The following INAVA variants were observed in gnomAD, a reference collection of about 807,000 sequenced individuals.
INAVA encodes innate immunity activator.
A neutral mutation model predicts 55.3 loss-of-function variants in INAVA; 32 were observed. The ratio of observed to expected loss-of-function variants is 0.58; its 90% CI spans 0.44 to 0.78. The LOEUF is 0.78. INAVA is among the 30% of genes least tolerant of loss of function. INAVA has a pLI of 0.00. For synonymous variants in INAVA, 294 were observed against 329.4 expected (o/e 0.89, Z 1.16); for missense variants, 756 against 786.4 (o/e 0.96, Z 0.46).
chr1:200,904,284 T>A (rs1043451759), intron 5 of INAVA, among the ~76,000 whole-genome samples: 17 of 152,126 alleles, frequency 1.1e-4, no homozygotes, highest in Non-Finnish European at 2.2e-4. Flanking sequence ...AGATGGGGTT[T>A]CACCAAATTG....
In INAVA at chr1:200,901,078, C is replaced by T. The variant is rs1213119499; in HGVS notation, c.439C>T (p.Leu147=). The change falls in exon 5 of 10, where the codon CTG becomes TTG. Residue 147 remains leucine, a synonymous_variant. Coordinates refer to ENST00000413687, the MANE Select transcript of INAVA (RefSeq NM_001142569.3). ...CTCCATGCTGCAGGAGGAGAAGAAGCTGCAGGAGCTCCAGCGCTGCCTGGT... is the reference window on the plus strand; with the variant it reads ...CTCCATGCTGCAGGAGGAGAAGAAGTTGCAGGAGCTCCAGCGCTGCCTGGT... ...KHSMLQEEKK[L]QELQRCLVER... 1 of 1,541,030 alleles carries T rather than the reference C, an allele frequency of 6.5e-7. No homozygotes were observed. Among genetic ancestry groups the T allele is most frequent in the South Asian group, 1.2e-5 (1 of 83,950 alleles).
At chr1:200,907,204 G>A (rs768562350) in intron 5 of INAVA, among the ~76,000 whole-genome samples, 6 of 152,100 alleles carry the variant, frequency 3.9e-5, no homozygotes, top group Non-Finnish European at 7.4e-5. Context: ...CCTGCCAGAG[G>A]ACACCCTTTT....
chr1:200,891,811 G>A (rs1464973426), upstream of INAVA: 7 of 700,896 alleles, frequency 1.0e-5, no homozygotes, highest in African/African-American at 7.5e-5. Context: ...AGGGAATGGG[G>A]TAATTTTTTC....
chr1:200,907,395 C>T (rs1369957413), intron 5 of INAVA, among the ~76,000 whole-genome samples: 2 of 152,264 alleles, frequency 1.3e-5, no homozygotes, highest in East Asian at 3.9e-4. Context: ...GTGGCTCATG[C>T]CTATAATCCC....
rs1226598256 is a variant in INAVA at position 200,900,218 on chromosome 1, G to A, written c.295G>A (p.Glu99Lys). The A allele has an allele frequency of 6.2e-7, 1 of 1,613,622 alleles. No individual in the cohort carries two copies. Among genetic ancestry groups the A allele is most frequent in the South Asian group, 1.1e-5 (1 of 91,042 alleles). Reference protein sequence around the residue: ...YKLDDWALHREDPLSSLERQL... With the variant: ...YKLDDWALHRKDPLSSLERQL... Reference sequence around the variant, plus strand: ...ACTGGATGACTGGGCCTTGCACAGAGAGGTGAGGAACCTCAGGAAGCTGCC... The same window carrying A: ...ACTGGATGACTGGGCCTTGCACAGAAAGGTGAGGAACCTCAGGAAGCTGCC... The change falls in exon 4 of 10, where the codon GAG becomes AAG. Residue 99 changes from glutamate (E) to lysine (K), a missense_variant and splice_region_variant. Around this residue, in one of 2 missense-constraint regions of INAVA, gnomAD observed 639 missense variants for 624.3 expected, o/e 1.02. Coordinates refer to ENST00000413687, the MANE Select transcript of INAVA (RefSeq NM_001142569.3).
rs1191641205 is a variant in INAVA, at chr1:200,898,180, G to A, written c.-94-127G>A. 3 of 1,004,402 alleles carry A rather than the reference G, an allele frequency of 3.0e-6. No individual in the cohort carries two copies. In the South Asian group the frequency reaches 4.8e-5, roughly 16 times the overall value. The allele number at this position is 1,004,402 out of a possible 1,614,324, so 62.2% of individuals were successfully genotyped here. On this transcript the variant is annotated intron_variant, in intron 1 of 9. Transcript: ENST00000413687. ...AGCACCCCCAGTGCCAGAATCTCCTGCCCCAGATGGTTCCTGAAGCACAGT... is the reference window on the plus strand; with the variant it reads ...AGCACCCCCAGTGCCAGAATCTCCTACCCCAGATGGTTCCTGAAGCACAGT...
At chr1:200,902,544 A>G (rs1187287914) in intron 5 of INAVA, among the ~76,000 whole-genome samples, 1 of 152,246 alleles carries the variant, frequency 6.6e-6, no homozygotes, top group Non-Finnish European at 1.5e-5. Flanking sequence ...CAACACTCCC[A>G]GTCTCTGAGG....
At chr1:200,892,496 A>T (rs1022223651), upstream of INAVA, among the ~76,000 whole-genome samples, 1 of 152,220 alleles carries the variant, frequency 6.6e-6, no homozygotes, top group Non-Finnish European at 1.5e-5. Flanking sequence ...AAACGAAAAC[A>T]CTGAAGAGGT....
chr1:200,899,738 T>G, intron 3 of INAVA, 141 bp downstream of exon 3: 1 of 1,243,118 alleles, frequency 8.0e-7, no homozygotes, highest in African/African-American at 1.5e-5. Context: ...GGGCCCAGAG[T>G]CCCCATGATG....
chr1:200,900,683 A>T (rs1399755594), intron 4 of INAVA, among the ~76,000 whole-genome samples: 1 of 152,104 alleles, frequency 6.6e-6, no homozygotes, highest in Non-Finnish European at 1.5e-5. Context: ...TTGGGTTCCC[A>T]CCCTGCCCGG....
At chr1:200,909,036 G>A in intron 7 of INAVA, 96 bp downstream of exon 7, 1 of 1,377,618 alleles carries the variant, frequency 7.3e-7, no homozygotes, top group Non-Finnish European at 9.8e-7. Flanking sequence ...TGGAAAAGTG[G>A]AAAGGTGGAG....
At position 200,899,507 on chromosome 1, in the gene INAVA, G is replaced by T. The variant is rs1407841025; in HGVS notation, c.90G>T (p.Leu30=). Residue 30 remains leucine (L), a synonymous_variant, in exon 3 of 10, where the codon CTG becomes CTT. Transcript: ENST00000413687. ...GCCCGGTCTCCCCAATGAAGGAGCT[G>T]ACCCATGCAGTGCACAAGCAGCAGA... The part of the protein sequence containing the change: ...PDSPVSPMKE[L]THAVHKQQRA... 1.2e-5 allele frequency: 19 copies of T among 1,614,040 alleles called. No homozygotes were observed. Among genetic ancestry groups the T allele is most frequent in the Non-Finnish European group, 1.4e-5 (17 of 1,180,006 alleles).
At chr1:200,906,163 C>A (rs922716602) in intron 5 of INAVA, 4 of 152,234 alleles carry the variant, frequency 2.6e-5, no homozygotes, top group African/African-American at 9.6e-5. Flanking sequence ...CATCTTCATT[C>A]TCAAACACAG....
At chr1:200,891,589 C>T (rs1354650381), upstream of INAVA, 1 of 1,583,570 alleles carries the variant, frequency 6.3e-7, no homozygotes, top group South Asian at 1.2e-5. Context: ...GAGGGCAGGC[C>T]GCAGGGAGGC....
intron 6 of INAVA, 43 bp from the exon 7 acceptor site, chr1:200,908,687 T>TC: frequency 6.7e-7 from 1 of 1,483,514 alleles, no homozygotes; most frequent in Non-Finnish European, 9.0e-7. Flanking sequence ...TTGGGCCGGT[T>TC]CCCCCAGCCT....
At chr1:200,904,194 T>G (rs1653394457) in intron 5 of INAVA, among the ~76,000 whole-genome samples, 1 of 152,040 alleles carries the variant, frequency 6.6e-6, no homozygotes, top group African/African-American at 2.4e-5. Context: ...GTTTAAGCGA[T>G]TCTCCTGCCT....
chr1:200,909,215 CT>C lies in INAVA; in HGVS notation c.786-5del. 1 of 1,499,468 alleles carries C rather than the reference CT, an allele frequency of 6.7e-7. No individual in the cohort carries two copies. The highest frequency in any genetic ancestry group is 8.9e-7 in the Non-Finnish European group (1 of 1,120,348). 92.9% of individuals were successfully genotyped at this position (1,499,468 alleles called of 1,614,324 possible). On this transcript the variant is annotated splice_region_variant and splice_polypyrimidine_tract_variant and intron_variant, in intron 7 of 9. Transcript: ENST00000413687. The stretch of plus-strand genomic sequence containing the variant: ...TCCTGCCACTGACCTGTCTCTAATC[CT>C]TTTGCAGCAGCCCAGCCACCACACC...
At chr1:200,907,947 G>A in intron 6 of INAVA, 60 bp downstream of exon 6, 1 of 1,423,886 alleles carries the variant, frequency 7.0e-7, no homozygotes, top group Non-Finnish European at 9.9e-7. Context: ...AGACCATGGG[G>A]TTTGGGCAGT....
At chr1:200,900,850 T>TAG (rs1653216603) in intron 4 of INAVA, 87 bp from the exon 5 acceptor site, 2 of 1,007,816 alleles carry the variant, frequency 2.0e-6, no homozygotes. Flanking sequence ...GACTGGGACC[T>TAG]AGAGCACTGT....
Sources: gnomAD v4.1 joint callset for allele counts (sites outside exome capture counted in the v4.1 genomes callset) on GRCh38, gnomAD v4.1.1 for gene constraint, gnomAD v4.1.1 regional missense constraint, MANE v1.5 for transcripts, NCBI Gene and HGNC (gene_info 2026-07-23, HGNC 2026-07-21) for gene names.